LRRK1: variants seen among roughly 807,000 people sequenced by gnomAD.
LRRK1 encodes leucine rich repeat kinase 1, also known as leucine-rich repeat serine/threonine-protein kinase 1.
In LRRK1, 113 loss-of-function variants were observed where a neutral mutation model predicts 209.1. That is an observed-to-expected ratio of 0.54 (90% CI 0.46 to 0.63). The LOEUF is 0.63. Ranked by LOEUF, LRRK1 falls within the 30% of genes least tolerant of loss-of-function variation. The pLI, the probability that LRRK1 is intolerant of heterozygous loss-of-function variation, is 0.00. For synonymous variants in LRRK1, 1,144 were observed against 1,099.7 expected (o/e 1.04, Z -0.80); for missense variants, 2,284 against 2,632.2 (o/e 0.87, Z 2.89).
intron 1 of LRRK1, among the ~76,000 whole-genome samples, chr15:100,920,406 G>T (rs1596144173): frequency 6.6e-6 from 1 of 152,242 alleles, no homozygotes; most frequent in Non-Finnish European, 1.5e-5. Flanking sequence ...AACATTAAAC[G>T]CCTTTTATGA....
chr15:101,018,420 T>C (rs907427547), intron 12 of LRRK1, among the ~76,000 whole-genome samples: 1 of 152,182 alleles, frequency 6.6e-6, no homozygotes, highest in African/African-American at 2.4e-5. Context: ...ACAAACACCA[T>C]CTTCTCCTTC....
In LRRK1 at chr15:101,027,396, G is replaced by T. The variant is rs1249757804; in HGVS notation, c.2526+15G>T. The T allele has an allele frequency of 3.7e-6, 6 of 1,611,520 alleles. No homozygotes were observed. Among genetic ancestry groups the T allele is most frequent in the Non-Finnish European group, 4.2e-6 (5 of 1,179,472 alleles). On this transcript the variant is annotated intron_variant, in intron 18 of 33. Transcript: ENST00000388948. The surrounding 1 kb of genome is among the most constrained non-coding windows in gnomAD (Gnocchi z 5.1). ...CAGGGCGGCTGGTGGGTACCTTGCT[G>T]GTCCAGTTTAAACCAGTCTGCCTGC... is the stretch of plus-strand genomic sequence containing the variant.
chr15:101,055,354 T>A, intron 27 of LRRK1, 131 bp downstream of exon 27: 2 of 869,062 alleles, frequency 2.3e-6, no homozygotes, highest in African/African-American at 1.7e-5. Context: ...TCACTCTCCC[T>A]TGCTCAATGA....
In LRRK1 at chr15:100,973,984, C is replaced by T. The variant is rs1490621239; in HGVS notation, c.261+17C>T. On this transcript the variant is annotated intron_variant, in intron 3 of 33. Transcript: ENST00000388948. ...CTGGAAAAGGTAGGGGAGCGCCTGC[C>T]CCTGCGGCCACCCATGCAGCCCCGG... 20 of 1,245,762 alleles carry T rather than the reference C, an allele frequency of 1.6e-5. No homozygotes were observed. The South Asian group carries it at 1.9e-4, about 12-fold the overall frequency. 77.2% of individuals were successfully genotyped at this position (1,245,762 alleles called of 1,614,324 possible).
chr15:100,948,621 T>C (rs2042587999), intron 2 of LRRK1, among the ~76,000 whole-genome samples: 1 of 152,212 alleles, frequency 6.6e-6, no homozygotes, highest in Non-Finnish European at 1.5e-5. Context: ...ATGTTATGTT[T>C]GGCCATAAAA....
chr15:100,980,690 A>G (rs556460528), intron 3 of LRRK1, among the ~76,000 whole-genome samples: 1 of 50,644 alleles, frequency 2.0e-5, no homozygotes, highest in Non-Finnish European at 3.8e-5. Context: ...GATTATTTCA[A>G]AGCAAAAAGT....
At chr15:100,997,865 TAAG>T (rs2032490124) in intron 6 of LRRK1, among the ~76,000 whole-genome samples, 1 of 152,200 alleles carries the variant, frequency 6.6e-6, no homozygotes, top group Non-Finnish European at 1.5e-5. Context: ...CTGTTTATGA[TAAG>T]AAGACATGGG....
chr15:100,951,080 G>T (rs1318801521), intron 2 of LRRK1, among the ~76,000 whole-genome samples: 2 of 152,238 alleles, frequency 1.3e-5, no homozygotes, highest in South Asian at 2.1e-4. Flanking sequence ...TCCAGCCTGG[G>T]CTACAGAGTG....
chr15:101,067,340 C>T, intron 33 of LRRK1: 1 of 455,674 alleles, frequency 2.2e-6, no homozygotes, highest in South Asian at 1.6e-5. Context: ...CCAGCTGCAG[C>T]TCCCCACAGT....
intron 6 of LRRK1, among the ~76,000 whole-genome samples, chr15:101,003,217 C>A (rs956919324): frequency 6.6e-6 from 1 of 152,244 alleles, no homozygotes; most frequent in South Asian, 2.1e-4. Flanking sequence ...GAAACCATTT[C>A]CAAGCATGTC....
rs945546373 is a variant in LRRK1, at chr15:101,047,583, GAA to G, written c.3136-908_3136-907del. Reference sequence around the variant, plus strand: ...AAATTCAGATGGGTGACAGGAGGGGGAAAAGAGTGCAGTCTCATCACTCATCA... The same window carrying G: ...AAATTCAGATGGGTGACAGGAGGGGGAAGAGTGCAGTCTCATCACTCATCA... On this transcript the variant is annotated intron_variant, in intron 21 of 33. Transcript: ENST00000388948. Among the ~76,000 whole-genome samples the G allele has an allele frequency of 5.3e-5, 8 of 152,340 alleles. No individual in the cohort carries two copies. The South Asian group carries it at 6.2e-4, about 12-fold the overall frequency.
At chr15:101,066,613 T>C (rs754430616) in intron 32 of LRRK1, 27 bp from the exon 33 acceptor site, 2 of 1,608,416 alleles carry the variant, frequency 1.2e-6, no homozygotes, top group South Asian at 1.1e-5. Flanking sequence ...GACAAATCGC[T>C]TCCCCTTCTG....
intron 6 of LRRK1, among the ~76,000 whole-genome samples, chr15:100,997,654 G>A (rs1596252252): frequency 1.3e-5 from 2 of 152,136 alleles, no homozygotes; most frequent in East Asian, 1.9e-4. Context: ...ACAGAGCAAC[G>A]GACACACCAG....
chr15:100,946,624 C>T (rs887335884), intron 2 of LRRK1, among the ~76,000 whole-genome samples: 1 of 152,184 alleles, frequency 6.6e-6, no homozygotes, highest in Non-Finnish European at 1.5e-5. Context: ...CTCCTCTTCA[C>T]GGGCATTTGG....
At chr15:100,934,536 A>T (rs1176136469) in intron 2 of LRRK1, among the ~76,000 whole-genome samples, 1 of 149,710 alleles carries the variant, frequency 6.7e-6, no homozygotes, top group African/African-American at 2.5e-5. Flanking sequence ...CATGCCTGTA[A>T]TCCCAGCACT....
At chr15:101,003,585 T>TGA (rs1228421255) in intron 6 of LRRK1, among the ~76,000 whole-genome samples, 1 of 152,016 alleles carries the variant, frequency 6.6e-6, no homozygotes, top group Non-Finnish European at 1.5e-5. Context: ...AGAGAGAGAA[T>TGA]GAGAGACAAG....
At chr15:101,035,759 G>T (rs1019717826) in intron 20 of LRRK1, among the ~76,000 whole-genome samples, 1 of 151,994 alleles carries the variant, frequency 6.6e-6, no homozygotes, top group East Asian at 1.9e-4. Flanking sequence ...TTATCATTGT[G>T]GTTTGGTGGT....
intron 2 of LRRK1, among the ~76,000 whole-genome samples, chr15:100,956,566 AG>A (rs762894142): frequency 8.0e-5 from 12 of 150,230 alleles, no homozygotes; most frequent in Non-Finnish European, 1.5e-4. Context: ...CCCGGGTTCA[AG>A]CAACTCTCTG....
At chr15:101,009,483 C>T (rs1482577944) in intron 7 of LRRK1, among the ~76,000 whole-genome samples, 4 of 152,246 alleles carry the variant, frequency 2.6e-5, no homozygotes, top group Admixed American at 2.0e-4. Flanking sequence ...ACAGTGTGGG[C>T]AGTCCAGGCT....
Sources: allele counts gnomAD v4.1 joint callset (sites outside exome capture counted in the v4.1 genomes callset), GRCh38; gene constraint gnomAD v4.1.1; non-coding constraint Gnocchi (gnomAD v3.1); transcripts MANE v1.5; gene names NCBI Gene and HGNC (gene_info 2026-07-23, HGNC 2026-07-21).